ALK: variants seen among roughly 807,000 people sequenced by gnomAD.
ALK encodes ALK tyrosine kinase receptor.
A neutral mutation model predicts 163.1 loss-of-function variants in ALK; 74 were observed. The observed-to-expected ratio is 0.45, with a 90% CI of 0.38 to 0.55. The LOEUF (loss-of-function observed/expected upper bound fraction) is 0.55. ALK is among the 20% of genes least tolerant of loss of function. The pLI is 0.00. For synonymous variants in ALK, 960 were observed against 843.2 expected (o/e 1.14, Z -2.40); for missense variants, 2,063 against 2,105.3 (o/e 0.98, Z 0.39).
chr2:29,577,425 C>T (rs748939809), intron 3 of ALK, among the ~76,000 whole-genome samples: 19 of 152,164 alleles, frequency 1.2e-4, no homozygotes, highest in African/African-American at 2.7e-4. Context: ...AGAAATTTAA[C>T]GAGCAGTCTG....
At chr2:29,385,178 T>C (rs1049009150) in intron 4 of ALK, among the ~76,000 whole-genome samples, 1 of 151,916 alleles carries the variant, frequency 6.6e-6, no homozygotes, top group African/African-American at 2.4e-5. Flanking sequence ...TGGTAAAGGA[T>C]TAAGGGAAAA....
Position 29,420,600 on chromosome 2 carries a change from G to A in ALK, c.1155-36741C>T, listed in dbSNP as rs541480940. 1.2e-3 allele frequency among the ~76,000 whole-genome samples: 187 copies of A among 151,518 alleles called. 1 individual carries two copies. Among genetic ancestry groups the A allele is most frequent in the Admixed American group, 4.3e-3 (66 of 15,268 alleles). On this transcript the variant is annotated intron_variant, in intron 4 of 28. Transcript: ENST00000389048. ...CTTTCCTGCTTAACATTCTGCAAAC[G>A]GCATGGGCATATCTCCGAAGTCAAT... is the stretch of plus-strand genomic sequence containing the variant.
chr2:29,756,528 G>T (rs946135218), intron 1 of ALK, among the ~76,000 whole-genome samples: 3 of 103,314 alleles, frequency 2.9e-5, no homozygotes, highest in South Asian at 3.6e-4. Flanking sequence ...TTTACTCATT[G>T]ATTTTTTTTT....
chr2:29,562,621 G>C (rs897830178), intron 3 of ALK, among the ~76,000 whole-genome samples: 1 of 152,142 alleles, frequency 6.6e-6, no homozygotes, highest in Admixed American at 6.5e-5. Context: ...GGAAAGAAGA[G>C]AGTGAAGAAG....
chr2:29,599,186 CAA>C (rs538039527), intron 3 of ALK, among the ~76,000 whole-genome samples: 3 of 100,250 alleles, frequency 3.0e-5, no homozygotes, highest in African/African-American at 3.4e-5. Flanking sequence ...TCTGACTCTG[CAA>C]AAAAAAAAAA....
At position 29,497,279 on chromosome 2, in the gene ALK, G is replaced by GA. The variant is rs373042682; in HGVS notation, c.1154+34635dup. On this transcript the variant is annotated intron_variant, in intron 4 of 28. Transcript: ENST00000389048. ...AAGAGTGAAACTCCATCTCAAAAAA[G>GA]AAAAAAAAAAATCTGATGATTGTGG... 4.7e-3 allele frequency among the ~76,000 whole-genome samples: 696 copies of GA among 147,926 alleles called. 1 individual carries two copies. Among genetic ancestry groups the GA allele is most frequent in the Admixed American group, 5.9e-3 (88 of 14,958 alleles).
intron 3 of ALK, among the ~76,000 whole-genome samples, chr2:29,536,934 G>T (rs1172584947): frequency 6.6e-6 from 1 of 152,226 alleles, no homozygotes; most frequent in African/African-American, 2.4e-5. Flanking sequence ...ATAACTTAGG[G>T]TATGTGGCAG....
chr2:29,859,035 A>AAAACAAACAAACAAAC (rs70962243), intron 1 of ALK, among the ~76,000 whole-genome samples: 1 of 150,678 alleles, frequency 6.6e-6, no homozygotes, highest in African/African-American at 2.4e-5. Flanking sequence ...TCTGTCTCAA[A>AAAACAAACAAACAAAC]AAACAAACAA....
At chr2:29,541,859 A>C (rs1039805898) in intron 3 of ALK, among the ~76,000 whole-genome samples, 1 of 152,186 alleles carries the variant, frequency 6.6e-6, no homozygotes, top group African/African-American at 2.4e-5. Flanking sequence ...TTTATTATTT[A>C]TTCTATTTGA....
chr2:29,313,004 C>G (rs375504721), intron 8 of ALK, among the ~76,000 whole-genome samples: 13,292 of 152,150 alleles, frequency 0.087, 617 homozygotes, highest in Non-Finnish European at 0.1. Flanking sequence ...GATAACATTA[C>G]CCTGGAATCC....
intron 1 of ALK, among the ~76,000 whole-genome samples, chr2:29,718,856 G>A (rs564471258): frequency 8.5e-5 from 13 of 152,298 alleles, no homozygotes; most frequent in African/African-American, 3.1e-4. Flanking sequence ...AGAGGAAAAG[G>A]GGGAGAAGAG....
chr2:29,594,664 T>G (rs1443722455), intron 3 of ALK, among the ~76,000 whole-genome samples: 1 of 151,880 alleles, frequency 6.6e-6, no homozygotes, highest in Admixed American at 6.6e-5. Flanking sequence ...CCTGACCTCA[T>G]GATCCATCCA....
At chr2:29,342,954 C>T (rs1036037807) in intron 5 of ALK, among the ~76,000 whole-genome samples, 1 of 144,078 alleles carries the variant, frequency 6.9e-6, no homozygotes, top group Middle Eastern at 3.6e-3. Context: ...GCGATCTCTG[C>T]CCGCTGCAAG....
At chr2:29,224,761 C>T (rs2148174470) in intron 19 of ALK, 1 of 217,082 alleles carries the variant, frequency 4.6e-6, no homozygotes, top group Non-Finnish European at 9.3e-6. Context: ...TTATCCTGTC[C>T]CTTTGAGGGA....
At chr2:29,739,240 TAAAAAA>T (rs57381961) in intron 1 of ALK, among the ~76,000 whole-genome samples, 1 of 40,334 alleles carries the variant, frequency 2.5e-5, no homozygotes. Flanking sequence ...CAGTCTCTCT[TAAAAAA>T]AAAAAAAAAA....
At chr2:29,765,173 T>G (rs575133770) in intron 1 of ALK, among the ~76,000 whole-genome samples, 1 of 152,196 alleles carries the variant, frequency 6.6e-6, no homozygotes, top group Non-Finnish European at 1.5e-5. Flanking sequence ...TATTTATAAA[T>G]TACCCACCCT....
chr2:29,211,324 G>A (rs749985673), intron 24 of ALK, among the ~76,000 whole-genome samples: 14 of 142,126 alleles, frequency 9.9e-5, no homozygotes, highest in African/African-American at 2.6e-4. Flanking sequence ...CTGTATAGCC[G>A]TTAATTCTCA....
At chr2:29,334,677 G>T (rs768962948) in intron 5 of ALK, among the ~76,000 whole-genome samples, 2 of 152,178 alleles carry the variant, frequency 1.3e-5, no homozygotes. Flanking sequence ...GCAGCCCAGA[G>T]GTGCCTACGT....
chr2:29,882,042 T>TC (rs1383186219), intron 1 of ALK, among the ~76,000 whole-genome samples: 3 of 151,686 alleles, frequency 2.0e-5, no homozygotes, highest in Admixed American at 1.3e-4. Flanking sequence ...CACATCACAG[T>TC]CCCCCCACCC....
Sources: gnomAD v4.1 joint callset for allele counts (sites outside exome capture counted in the v4.1 genomes callset) on GRCh38, gnomAD v4.1.1 for gene constraint, MANE v1.5 for transcripts, NCBI Gene and HGNC (gene_info 2026-07-23, HGNC 2026-07-21) for gene names.